Variants in EP300 observed in about 807,000 individuals in gnomAD.
EP300 encodes histone acetyltransferase p300.
Under a neutral mutation model 264.0 loss-of-function variants are expected in EP300, and 31 were observed. The ratio of observed to expected loss-of-function variants is 0.12; its 90% CI spans 0.09 to 0.16. The LOEUF (loss-of-function observed/expected upper bound fraction) is 0.16, where lower values mean the gene tolerates loss of function less well. EP300 is among the 10% of genes least tolerant of loss of function. The pLI, the probability that EP300 is intolerant of heterozygous loss-of-function variation, is 1.00. For synonymous variants in EP300, 1,340 were observed against 1,045.4 expected (o/e 1.28, Z -5.44); for missense variants, 2,766 against 3,052.9 (o/e 0.91, Z 2.21).
intron 26 of EP300, among the ~76,000 whole-genome samples, chr22:41,170,168 C>G (rs573370309): frequency 1.3e-5 from 2 of 152,312 alleles, no homozygotes; most frequent in South Asian, 4.1e-4. Context: ...GGCTGAGATT[C>G]GCAACATCCC....
intron 7 of EP300, among the ~76,000 whole-genome samples, chr22:41,136,828 G>C (rs573610450): frequency 6.6e-6 from 1 of 151,854 alleles, no homozygotes; most frequent in Non-Finnish European, 1.5e-5. Context: ...GGGAGGCCGA[G>C]GCAGGCAGAT....
intron 1 of EP300, among the ~76,000 whole-genome samples, chr22:41,109,519 A>G (rs1316583537): frequency 6.6e-6 from 1 of 152,190 alleles, no homozygotes; most frequent in Non-Finnish European, 1.5e-5. Context: ...GTATGCTGTC[A>G]TCATTGTAAG....
chr22:41,161,067 C>T (rs1260437300), intron 20 of EP300, among the ~76,000 whole-genome samples: 2 of 152,194 alleles, frequency 1.3e-5, no homozygotes, highest in African/African-American at 4.8e-5. Context: ...AGGAAGCAAT[C>T]AGCTTCTCTT....
At chr22:41,157,803 G>C (rs2059085768) in intron 18 of EP300, among the ~76,000 whole-genome samples, 1 of 152,144 alleles carries the variant, frequency 6.6e-6, no homozygotes, top group East Asian at 1.9e-4. Context: ...TTACAGTCAT[G>C]AGCCACCTCT....
At chr22:41,163,807 G>A (rs1292272090) in intron 21 of EP300, among the ~76,000 whole-genome samples, 1 of 152,146 alleles carries the variant, frequency 6.6e-6, no homozygotes, top group African/African-American at 2.4e-5. Flanking sequence ...CCAGGTAGCT[G>A]AGAGGCCAAG....
At position 41,172,569 on chromosome 22, in the gene EP300, T is replaced by C. The variant is rs775090772; in HGVS notation, c.4523T>C (p.Phe1508Ser). Residue 1508 changes from phenylalanine (F) to serine (S), a missense_variant, in exon 28 of 31, where the codon TTC becomes TCC. Phe to Ser is a radical substitution (Grantham distance 155). Coordinates refer to ENST00000263253, the MANE Select transcript of EP300 (RefSeq NM_001429.4). ...GAATTGCCTTATTTCGAGGGTGATT[T>C]CTGGCCCAATGTTCTGGAAGAAAGC... is the stretch of plus-strand genomic sequence containing the variant. ...AKELPYFEGD[F>S]WPNVLEESIK... 6.2e-7 allele frequency: 1 copy of C among 1,614,156 alleles called. No homozygotes were observed. Among genetic ancestry groups the C allele is most frequent in the Non-Finnish European group, 8.5e-7 (1 of 1,179,990 alleles).
rs531951889 is a variant in EP300 at position 41,146,014 on chromosome 22, G to A, written c.2054-725G>A. ...ATATTATTTAAAATCAATGTTCACAGTTTATGTGCATAAAAACGTTGTGCT... is the reference window on the plus strand; with the variant it reads ...ATATTATTTAAAATCAATGTTCACAATTTATGTGCATAAAAACGTTGTGCT... On this transcript the variant is annotated intron_variant, in intron 10 of 30. Transcript: ENST00000263253. Among the ~76,000 whole-genome samples the A allele has an allele frequency of 1.3e-3, 198 of 152,204 alleles. 3 individuals are homozygous for A. The South Asian group carries it at 0.041, about 31-fold the overall frequency.
intron 20 of EP300, 76 bp from the exon 21 acceptor site, chr22:41,162,647 G>A: frequency 1.7e-6 from 2 of 1,178,994 alleles, no homozygotes; most frequent in African/African-American, 1.5e-5. Flanking sequence ...GGTGAAGTTT[G>A]TTCCTTTGGT....
intron 4 of EP300, 33 bp from the exon 5 acceptor site, chr22:41,129,857 T>G (rs374863629): frequency 1.2e-5 from 18 of 1,551,998 alleles, no homozygotes; most frequent in Non-Finnish European, 1.4e-5. Context: ...AACATTAACC[T>G]GCTCTTGAAA....
intron 21 of EP300, among the ~76,000 whole-genome samples, chr22:41,163,223 C>T (rs1336761743): frequency 7.1e-6 from 1 of 140,354 alleles, no homozygotes; most frequent in Non-Finnish European, 1.5e-5. Flanking sequence ...ATCACGAGGT[C>T]AGGAGATCGA....
At chr22:41,174,601 A>G (rs192987243) in intron 29 of EP300, 2 of 151,844 alleles carry the variant, frequency 1.3e-5, no homozygotes, top group Non-Finnish European at 2.9e-5. Context: ...TCTCTCTTTA[A>G]TATCATATAA....
intron 2 of EP300, among the ~76,000 whole-genome samples, chr22:41,124,114 G>A (rs766277108): frequency 6.6e-6 from 1 of 152,212 alleles, no homozygotes; most frequent in East Asian, 1.9e-4. Flanking sequence ...TGAGTATGGC[G>A]GCGCACGCCT....
intron 1 of EP300, among the ~76,000 whole-genome samples, chr22:41,112,606 T>C (rs1305558761): frequency 6.6e-6 from 1 of 152,200 alleles, no homozygotes; most frequent in Non-Finnish European, 1.5e-5. Flanking sequence ...TGATGATGAT[T>C]TTTGAGCCTT....
Position 41,179,123 on chromosome 22 carries a change from G to T in EP300, c.*167G>T. 1.4e-6 allele frequency: 1 copy of T among 696,602 alleles called. No homozygotes were observed. Among genetic ancestry groups the T allele is most frequent in the Non-Finnish European group, 2.4e-6 (1 of 421,524 alleles). 43.2% of individuals were successfully genotyped at this position (696,602 alleles called of 1,614,324 possible). A position where few individuals can be genotyped will look rare whatever the true frequency, so the allele number is the denominator to read the frequency against. On this transcript the variant is annotated 3_prime_UTR_variant, in exon 31 of 31. Coordinates refer to ENST00000263253, the MANE Select transcript of EP300 (RefSeq NM_001429.4). ...GTGGTTTAAAGCAAACATGCAAGAT[G>T]AACCTGAGGGATGATAGAATACAAA...
At chr22:41,168,065 G>T (rs993260664) in intron 23 of EP300, among the ~76,000 whole-genome samples, 6 of 149,312 alleles carry the variant, frequency 4.0e-5, no homozygotes, top group African/African-American at 1.5e-4. Flanking sequence ...CAGGTGATGC[G>T]CCCACCTCAG....
Position 41,117,777 on chromosome 22 carries a change from C to A in EP300, c.685C>A (p.Gln229Lys). The A allele has an allele frequency of 1.2e-6, 2 of 1,614,220 alleles. No homozygotes were observed. The highest frequency in any genetic ancestry group is 1.7e-6 in the Non-Finnish European group (2 of 1,180,038). The part of the protein sequence containing the change: ...LTEPLQQGSP[Q>K]MGGQTGLRGP... ...TGAGCCTCTTCAGCAGGGCTCTCCC[C>A]AGATGGGAGGACAAACAGGATTGAG... The change falls in exon 2 of 31, where the codon CAG becomes AAG. Residue 229 changes from glutamine (Q) to lysine (K), a missense_variant. Transcript: ENST00000263253.
rs2145732566 is a variant in EP300 at position 41,146,835 on chromosome 22, T to A, written c.2131+19T>A. 2.5e-6 allele frequency: 4 copies of A among 1,608,858 alleles called. No individual in the cohort carries two copies. The highest frequency in any genetic ancestry group is 1.1e-5 in the South Asian group (1 of 90,580). Reference sequence around the variant, plus strand: ...CAATCTGGTAAATAGTGAAAAAAATTTTTTTATTTTAAAAGAATCCCCGGT... The same window carrying A: ...CAATCTGGTAAATAGTGAAAAAAATATTTTTATTTTAAAAGAATCCCCGGT... On this transcript the variant is annotated intron_variant, in intron 11 of 30. Transcript: ENST00000263253.
chr22:41,110,045 GT>G (rs1267667760), intron 1 of EP300, among the ~76,000 whole-genome samples: 2 of 151,062 alleles, frequency 1.3e-5, no homozygotes, highest in African/African-American at 4.9e-5. Context: ...TTGACCTCAG[GT>G]GATCTGCTCG....
In EP300 at chr22:41,146,864, C is replaced by A. The variant is rs2059013845; in HGVS notation, c.2131+48C>A. On this transcript the variant is annotated intron_variant, in intron 11 of 30. Coordinates refer to ENST00000263253, the MANE Select transcript of EP300 (RefSeq NM_001429.4). ...TTATTTTAAAAGAATCCCCGGTGTACTGCAAGATAATACTTGCTACCTGAA... is the reference window on the plus strand; with the variant it reads ...TTATTTTAAAAGAATCCCCGGTGTAATGCAAGATAATACTTGCTACCTGAA... 5 of 1,511,330 alleles carry A rather than the reference C, an allele frequency of 3.3e-6. No individual in the cohort carries two copies. In the South Asian group the frequency reaches 3.5e-5, roughly 10 times the overall value. The allele number at this position is 1,511,330 out of a possible 1,614,324, so 93.6% of individuals were successfully genotyped here.
Sources: allele counts gnomAD v4.1 joint callset (sites outside exome capture counted in the v4.1 genomes callset), GRCh38; gene constraint gnomAD v4.1.1; transcripts MANE v1.5; gene names NCBI Gene and HGNC (gene_info 2026-07-23, HGNC 2026-07-21).